The following CYP11B1 variants were observed in gnomAD, a reference collection of about 807,000 sequenced individuals.
CYP11B1 encodes cytochrome P450 family 11 subfamily B member 1.
Under a neutral mutation model 48.3 loss-of-function variants are expected in CYP11B1, and 34 were observed. The ratio of observed to expected loss-of-function variants is 0.70; its 90% CI spans 0.54 to 0.94. CYP11B1 has a LOEUF of 0.94. Among genes scored for constraint, CYP11B1 ranks in the 40% least tolerant of loss-of-function variants. The pLI, the probability that CYP11B1 is intolerant of heterozygous loss-of-function variation, is 0.00. For missense variants in CYP11B1, 688 were observed against 657.4 expected (o/e 1.05, Z -0.51); for synonymous variants, 291 against 262.5 (o/e 1.11, Z -1.05).
At chr8:142,875,502 G>C (rs1816909871) in intron 6 of CYP11B1, 190 bp from the exon 7 acceptor site, 3 of 987,436 alleles carry the variant, frequency 3.0e-6, no homozygotes, top group Admixed American at 2.1e-5. Flanking sequence ...AGCGCAGAAG[G>C]ACATGCTCCA....
chr8:142,875,493 G>A (rs1273895355), intron 6 of CYP11B1, 181 bp from the exon 7 acceptor site: 1 of 1,032,968 alleles, frequency 9.7e-7, no homozygotes, highest in Non-Finnish European at 1.4e-6. Flanking sequence ...GCAGCCCCGA[G>A]CGCAGAAGGA....
intron 2 of CYP11B1, chr8:142,877,752 C>T (rs1817007373): frequency 6.3e-7 from 1 of 1,597,720 alleles, no homozygotes. Context: ...TCATGCCATC[C>T]TCACCTACAG....
rs1225705850 is a variant in CYP11B1, at chr8:142,879,554, G to A, written c.239+21C>T. ...GGGCAGGGCTCTGGGTGTTCCCAGC[G>A]AGGGCCAGGGAGGGCTTTACCTGAA... On this transcript the variant is annotated intron_variant, in intron 1 of 8. Coordinates refer to ENST00000292427, the MANE Select transcript of CYP11B1 (RefSeq NM_000497.4). 5.0e-6 allele frequency: 8 copies of A among 1,614,036 alleles called. No individual in the cohort carries two copies. In the African/African-American group the frequency reaches 5.3e-5, roughly 11 times the overall value.
chr8:142,876,777 A>G lies in CYP11B1; in HGVS notation c.704T>C (p.Val235Ala), dbSNP rs375222597. ...HALEVMFKST[V>A]QLMFMPRSLS... The stretch of plus-strand genomic sequence containing the variant: ...GCTCCTGGGCATGAACATGAGCTGG[A>G]CGGTGGATTTGAACATGACCTCCAG... Residue 235 changes from valine (V) to alanine (A), a missense_variant, in exon 4 of 9, where the codon GTC (valine) becomes GCC (alanine). Coordinates refer to ENST00000292427, the MANE Select transcript of CYP11B1 (RefSeq NM_000497.4). 3 of 1,613,930 alleles carry G rather than the reference A, an allele frequency of 1.9e-6. No individual in the cohort carries two copies. Among genetic ancestry groups the G allele is most frequent in the Non-Finnish European group, 2.5e-6 (3 of 1,179,984 alleles).
chr8:142,876,164 G>T, intron 5 of CYP11B1, 77 bp downstream of exon 5: 3 of 1,593,710 alleles, frequency 1.9e-6, no homozygotes, highest in Non-Finnish European at 2.6e-6. Context: ...CGTGGGCGCC[G>T]TGTGACATTG....
In CYP11B1 at chr8:142,879,088, C is replaced by T. The variant is rs2130284173; in HGVS notation, c.339G>A (p.Leu113=). 6.2e-7 allele frequency: 1 copy of T among 1,614,034 alleles called. No individual in the cohort carries two copies. Among genetic ancestry groups the T allele is most frequent in the Non-Finnish European group, 8.5e-7 (1 of 1,179,866 alleles). The change falls in exon 2 of 9, where the codon CTG becomes CTA. Residue 113 remains leucine, a synonymous_variant. Transcript: ENST00000292427. ...VDSLHPHRMS[L]EPWVAYRQHR... ...GTTGTCTGTAGGCCACCCAGGGCTC[C>T]AGGCTCATCCTGTGGGGATGCAGGC...
Position 142,876,412 on chromosome 8 carries a change from A to G in CYP11B1, c.800-17T>C, listed in dbSNP as rs528362028. 1.3e-5 allele frequency: 21 copies of G among 1,610,600 alleles called. No homozygotes were observed. In the African/African-American group the frequency reaches 1.5e-4, roughly 11 times the overall value. On this transcript the variant is annotated splice_polypyrimidine_tract_variant and intron_variant, in intron 4 of 8. Coordinates refer to ENST00000292427, the MANE Select transcript of CYP11B1 (RefSeq NM_000497.4). Reference sequence around the variant, plus strand: ...AGTTGTCGCCTATCCGGGGAGCGGGAGGCAGCCCTCAGACTTTGGTGCTGG... The same window carrying G: ...AGTTGTCGCCTATCCGGGGAGCGGGGGGCAGCCCTCAGACTTTGGTGCTGG...
intron 1 of CYP11B1, 52 bp from the exon 2 acceptor site, chr8:142,879,239 C>T (rs981761995): frequency 7.4e-6 from 12 of 1,612,798 alleles, no homozygotes; most frequent in Non-Finnish European, 1.0e-5. Context: ...CCCCGCTAGC[C>T]CCACCCTGCA....
At position 142,874,999 on chromosome 8, in the gene CYP11B1, C is replaced by T; in HGVS notation, c.1356G>A (p.Gly452=). The T allele has an allele frequency of 6.2e-7, 1 of 1,614,206 alleles. No homozygotes were observed. The highest frequency in any genetic ancestry group is 1.1e-5 in the South Asian group (1 of 91,090). The change falls in exon 8 of 9, where the codon GGG becomes GGA. Residue 452 remains glycine (G), a synonymous_variant. Coordinates refer to ENST00000292427, the MANE Select transcript of CYP11B1 (RefSeq NM_000497.4). ...GCATCTCTGCCTCTGCCAGGCGCCG[C>T]CCAAGGCACTGGCGCATGCCAAAGC... The part of the protein sequence containing the change: ...PFGFGMRQCL[G]RRLAEAEMLL...
chr8:142,875,940 C>T (rs61752763), intron 5 of CYP11B1, 62 bp from the exon 6 acceptor site: 2 of 1,600,464 alleles, frequency 1.2e-6, no homozygotes, highest in Non-Finnish European at 1.7e-6. Context: ...CCGGGACACC[C>T]CTCCCAGGAC....
Position 142,874,958 on chromosome 8 carries a change from T to C in CYP11B1, c.1397A>G (p.His466Arg). 1 of 1,613,338 alleles carries C rather than the reference T, an allele frequency of 6.2e-7. No individual in the cohort carries two copies. The highest frequency in any genetic ancestry group is 8.5e-7 in the Non-Finnish European group (1 of 1,179,988). ...CCTCCCCAGCCCGGGCCTGCTCACA[T>C]GGTGCAGCAGCAGCAGCATCTCTGC... ...AEAEMLLLLHHVLKHLQVETL... is the reference protein window; with the variant it reads ...AEAEMLLLLHRVLKHLQVETL... Residue 466 changes from histidine to arginine, a missense_variant and splice_region_variant, in exon 8 of 9, where the codon CAT becomes CGT. Physicochemically the swap from His to Arg is conservative, Grantham distance 29. Transcript: ENST00000292427.
intron 1 of CYP11B1, 176 bp from the exon 2 acceptor site, chr8:142,879,363 C>G (rs1382282731): frequency 1.9e-6 from 3 of 1,608,372 alleles, no homozygotes; most frequent in African/African-American, 2.7e-5. Context: ...CCTCTGAGTC[C>G]TGCCCTCTCT....
intron 4 of CYP11B1, 102 bp downstream of exon 4, chr8:142,876,580 C>T: frequency 6.4e-7 from 1 of 1,553,028 alleles, no homozygotes; most frequent in Non-Finnish European, 8.7e-7. Context: ...GAATCCCCGA[C>T]CCCTCCCTGT....
rs1586555384 is a variant in CYP11B1 at position 142,872,977 on chromosome 8, C to G, written c.*1396G>C. On this transcript the variant is annotated 3_prime_UTR_variant, in exon 9 of 9. Transcript: ENST00000292427. ...GGGTCCTCACCAGACACAGAACCTG[C>G]TGACACCTTGATCTTAGCCTTCTAA... 1 of 152,276 alleles carries G rather than the reference C, an allele frequency of 6.6e-6. No homozygotes were observed. Among genetic ancestry groups the G allele is most frequent in the Non-Finnish European group, 1.5e-5 (1 of 68,068 alleles). The allele number at this position is 152,276 out of a possible 1,614,324, so 9.4% of individuals were successfully genotyped here.
At position 142,875,341 on chromosome 8, in the gene CYP11B1, T is replaced by C. The variant is rs780289850; in HGVS notation, c.1122-29A>G. 1.9e-6 allele frequency: 3 copies of C among 1,601,516 alleles called. No homozygotes were observed. In the South Asian group the frequency reaches 3.4e-5, roughly 18 times the overall value. The stretch of plus-strand genomic sequence containing the variant: ...GAGGTGGGGGCATCCATAGAAAGGG[T>C]CCTCAGCTGGATGGGGCTTCCTGTG... On this transcript the variant is annotated intron_variant, in intron 6 of 8. Coordinates refer to ENST00000292427, the MANE Select transcript of CYP11B1 (RefSeq NM_000497.4).
At chr8:142,876,138 G>A in intron 5 of CYP11B1, 103 bp downstream of exon 5, 1 of 1,493,404 alleles carries the variant, frequency 6.7e-7, no homozygotes, top group Non-Finnish European at 9.3e-7. Context: ...GGGGCCCATA[G>A]CCTGGGGATG....
chr8:142,878,066 GCA>G (rs200046144), intron 2 of CYP11B1, among the ~76,000 whole-genome samples: 18,673 of 151,522 alleles, frequency 0.12, 1,595 homozygotes, highest in African/African-American at 0.24. Context: ...AGACACATGT[GCA>G]CACACGCATG....
At chr8:142,876,084 C>T (rs1022755578) in intron 5 of CYP11B1, 157 bp downstream of exon 5, 5 of 1,215,974 alleles carry the variant, frequency 4.1e-6, no homozygotes, top group Admixed American at 2.0e-5. Flanking sequence ...ACCATGGCAA[C>T]CTGCAAACGT....
chr8:142,878,749 T>G lies in CYP11B1; in HGVS notation c.395+283A>C, dbSNP rs528414515. On this transcript the variant is annotated intron_variant, in intron 2 of 8. Coordinates refer to ENST00000292427, the MANE Select transcript of CYP11B1 (RefSeq NM_000497.4). Reference sequence around the variant, plus strand: ...AGTCCCCAGACCGCAAGAGAAAGCATCGGCCAAGGTTGGTGCAGAGCGGGT... The same window carrying G: ...AGTCCCCAGACCGCAAGAGAAAGCAGCGGCCAAGGTTGGTGCAGAGCGGGT... Among the ~76,000 whole-genome samples the G allele has an allele frequency of 2.1e-3, 317 of 151,990 alleles. 3 individuals carry two copies. Among genetic ancestry groups the G allele is most frequent in the South Asian group, 0.015 (71 of 4,800 alleles).
Sources: gnomAD v4.1 joint callset for allele counts (sites outside exome capture counted in the v4.1 genomes callset) on GRCh38, gnomAD v4.1.1 for gene constraint, MANE v1.5 for transcripts, NCBI Gene and HGNC (gene_info 2026-07-23, HGNC 2026-07-21) for gene names.